The following ARHGAP15 variants were observed in gnomAD, a reference collection of about 807,000 sequenced individuals.
ARHGAP15 encodes the protein Rho GTPase activating protein 15, also known as rho GTPase-activating protein 15.
ARHGAP15 carries 51 observed loss-of-function variants against 63.7 expected under a neutral mutation model. The ratio of observed to expected loss-of-function variants is 0.80; its 90% CI spans 0.64 to 1.01. ARHGAP15 has a LOEUF of 1.01. Among genes scored for constraint, ARHGAP15 ranks in the 50% least tolerant of loss-of-function variants. ARHGAP15 has a pLI of 0.00. For synonymous variants in ARHGAP15, 191 were observed against 193.8 expected (o/e 0.99, Z 0.12); for missense variants, 560 against 564.6 (o/e 0.99, Z 0.08).
chr2:143,332,974 A>G (rs1460702850), intron 6 of ARHGAP15, among the ~76,000 whole-genome samples: 1 of 86,710 alleles, frequency 1.2e-5, no homozygotes, highest in Non-Finnish European at 2.2e-5. Context: ...ATTTAAAATG[A>G]AAAAAAAAAA....
chr2:143,180,927 C>T (rs111351135), intron 2 of ARHGAP15, among the ~76,000 whole-genome samples: 6,478 of 152,210 alleles, frequency 0.043, 209 homozygotes, highest in Middle Eastern at 0.075. Flanking sequence ...TCGCCTCGGC[C>T]TCCCAAAGTG....
chr2:143,625,621 C>A (rs1477452209), intron 12 of ARHGAP15, among the ~76,000 whole-genome samples: 1 of 152,158 alleles, frequency 6.6e-6, no homozygotes, highest in African/African-American at 2.4e-5. Flanking sequence ...GTTCAGCATG[C>A]TTTCCTAACT....
intron 6 of ARHGAP15, among the ~76,000 whole-genome samples, chr2:143,389,184 AC>A (rs948023275): frequency 9.9e-5 from 15 of 151,404 alleles, no homozygotes; most frequent in Non-Finnish European, 2.1e-4. Flanking sequence ...TGTTTTTGAA[AC>A]ACAAAACTGG....
chr2:143,265,639 A>G (rs1249870914), intron 6 of ARHGAP15, among the ~76,000 whole-genome samples: 2 of 152,150 alleles, frequency 1.3e-5, no homozygotes, highest in African/African-American at 2.4e-5. Flanking sequence ...AGAAAGTGTT[A>G]TTATTATTTT....
chr2:143,644,874 T>G (rs1343798793), intron 12 of ARHGAP15, among the ~76,000 whole-genome samples: 1 of 152,104 alleles, frequency 6.6e-6, no homozygotes, highest in Non-Finnish European at 1.5e-5. Context: ...TAGCACATAC[T>G]TTTATCTGAG....
chr2:143,714,876 A>C (rs928525177), intron 13 of ARHGAP15, among the ~76,000 whole-genome samples: 2 of 152,214 alleles, frequency 1.3e-5, no homozygotes, highest in Admixed American at 1.3e-4. Context: ...AAGCCATTCA[A>C]CAAGTCTTTA....
At chr2:143,284,972 G>A (rs1574211349) in intron 6 of ARHGAP15, among the ~76,000 whole-genome samples, 1 of 151,980 alleles carries the variant, frequency 6.6e-6, no homozygotes, top group South Asian at 2.1e-4. Flanking sequence ...TAACATATAA[G>A]CCTTTGGAAA....
intron 12 of ARHGAP15, among the ~76,000 whole-genome samples, chr2:143,653,343 A>T (rs903050669): frequency 6.6e-6 from 1 of 151,964 alleles, no homozygotes; most frequent in Non-Finnish European, 1.5e-5. Flanking sequence ...ATATCTTTGT[A>T]TGGTTTTGGT....
chr2:143,233,774 A>T (rs1284912126), intron 5 of ARHGAP15, among the ~76,000 whole-genome samples: 4 of 151,518 alleles, frequency 2.6e-5, no homozygotes, highest in Non-Finnish European at 5.9e-5. Context: ...CCTCCAGAGT[A>T]GCTGGGATTA....
At chr2:143,579,769 G>T (rs1168678327) in intron 11 of ARHGAP15, among the ~76,000 whole-genome samples, 1 of 151,690 alleles carries the variant, frequency 6.6e-6, no homozygotes, top group African/African-American at 2.4e-5. Context: ...AAATATTTGG[G>T]GGGTATAATT....
At chr2:143,458,891 T>G (rs1384185247) in intron 8 of ARHGAP15, among the ~76,000 whole-genome samples, 1 of 152,206 alleles carries the variant, frequency 6.6e-6, no homozygotes, top group Non-Finnish European at 1.5e-5. Context: ...CTTGTCATAA[T>G]GCTTAGGGTC....
In ARHGAP15 at chr2:143,295,085, A is replaced by G. The variant is rs118179288; in HGVS notation, c.474+44485A>G. Among the ~76,000 whole-genome samples, 17 of 152,136 alleles carry G rather than the reference A, an allele frequency of 1.1e-4. No homozygotes were observed. The East Asian group carries it at 3.3e-3, about 29-fold the overall frequency. On this transcript the variant is annotated intron_variant, in intron 6 of 13. Transcript: ENST00000295095. Reference sequence around the variant, plus strand: ...AACTGAGGCATGGGGCTGTGAATATATTTCCCAAAGCCATATGGTAAGCAT... The same window carrying G: ...AACTGAGGCATGGGGCTGTGAATATGTTTCCCAAAGCCATATGGTAAGCAT...
At chr2:143,690,282 TCTTTG>T (rs1423801432) in intron 12 of ARHGAP15, among the ~76,000 whole-genome samples, 1 of 152,242 alleles carries the variant, frequency 6.6e-6, no homozygotes, top group Admixed American at 6.5e-5. Context: ...TATTATGTTT[TCTTTG>T]CTTTGAAGCA....
intron 1 of ARHGAP15, among the ~76,000 whole-genome samples, chr2:143,152,371 T>G (rs1303406409): frequency 1.3e-5 from 2 of 151,992 alleles, no homozygotes; most frequent in Non-Finnish European, 2.9e-5. Flanking sequence ...CTGACTTAGC[T>G]CTGATGTAAT....
At chr2:143,328,729 A>G (rs1684371597) in intron 6 of ARHGAP15, among the ~76,000 whole-genome samples, 2 of 152,032 alleles carry the variant, frequency 1.3e-5, no homozygotes, top group Admixed American at 1.3e-4. Flanking sequence ...AACTTAAAGT[A>G]TAATAAAAAA....
chr2:143,383,642 A>C (rs1687147970), intron 6 of ARHGAP15, among the ~76,000 whole-genome samples: 5 of 152,312 alleles, frequency 3.3e-5, no homozygotes. Flanking sequence ...AATTTGATTT[A>C]AATTTTTAAA....
chr2:143,700,853 T>C (rs1002292184), intron 12 of ARHGAP15, among the ~76,000 whole-genome samples: 3 of 152,198 alleles, frequency 2.0e-5, no homozygotes, highest in East Asian at 1.9e-4. Flanking sequence ...ACTTTTTTTC[T>C]GGTTTATGAT....
At chr2:143,336,314 C>A (rs185566602) in intron 6 of ARHGAP15, among the ~76,000 whole-genome samples, 1 of 152,210 alleles carries the variant, frequency 6.6e-6, no homozygotes, top group East Asian at 1.9e-4. Context: ...AGGGGAGAGG[C>A]AGATGAGTGA....
chr2:143,179,560 A>G (rs1240277965), intron 2 of ARHGAP15, among the ~76,000 whole-genome samples: 2 of 152,192 alleles, frequency 1.3e-5, no homozygotes, highest in African/African-American at 4.8e-5. Flanking sequence ...ATACTATTCT[A>G]TAGTCTATTA....
Sources: gnomAD v4.1 joint callset for allele counts (sites outside exome capture counted in the v4.1 genomes callset) on GRCh38, gnomAD v4.1.1 for gene constraint, MANE v1.5 for transcripts, NCBI Gene and HGNC (gene_info 2026-07-23, HGNC 2026-07-21) for gene names.